DPP10: variants seen among roughly 807,000 people sequenced by gnomAD.
DPP10 encodes the protein inactive dipeptidyl peptidase 10.
Under a neutral mutation model 120.9 loss-of-function variants are expected in DPP10, and 33 were observed. The observed-to-expected ratio is 0.27, with a 90% CI of 0.21 to 0.37. The LOEUF (loss-of-function observed/expected upper bound fraction) is 0.37, where lower values mean the gene tolerates loss of function less well. DPP10 is among the 10% of genes least tolerant of loss of function. The pLI, the probability that DPP10 is intolerant of heterozygous loss-of-function variation, is 1.00. For synonymous variants in DPP10, 337 were observed against 326.1 expected (o/e 1.03, Z -0.36); for missense variants, 816 against 942.8 (o/e 0.87, Z 1.76).
chr2:115,225,030 G>C (rs1025914140), intron 1 of DPP10, among the ~76,000 whole-genome samples: 1 of 152,090 alleles, frequency 6.6e-6, no homozygotes, highest in African/African-American at 2.4e-5. Flanking sequence ...CTCATCTTTT[G>C]GGTAGGAGAT....
At chr2:115,185,859 A>G (rs1006644320) in intron 1 of DPP10, among the ~76,000 whole-genome samples, 1 of 152,342 alleles carries the variant, frequency 6.6e-6, no homozygotes, top group African/African-American at 2.4e-5. Flanking sequence ...ACCTATTAGT[A>G]AAGGTTGTAA....
At chr2:115,810,110 CG>C (rs1686464307) in intron 19 of DPP10, among the ~76,000 whole-genome samples, 1 of 150,896 alleles carries the variant, frequency 6.6e-6, no homozygotes, top group East Asian at 2.0e-4. Context: ...GGCAGTGAGC[CG>C]AGATCGCACC....
chr2:115,720,231 T>A (rs1423722464), intron 7 of DPP10, among the ~76,000 whole-genome samples: 2 of 152,200 alleles, frequency 1.3e-5, no homozygotes, highest in Admixed American at 1.3e-4. Context: ...GCCATTCTAA[T>A]TATAATACCA....
rs145578051 is a variant in DPP10 at position 114,481,959 on chromosome 2, G to GGA, written c.60+39135_60+39136dup. Among the ~76,000 whole-genome samples the GGA allele has an allele frequency of 5.8e-4, 86 of 149,262 alleles. No individual in the cohort carries two copies. In the East Asian group the frequency reaches 0.011, roughly 19 times the overall value. ...AGAAGAAGGAGAAGAGAGGAGGAGA[G>GGA]GAGAGAGAGAGAGAGGAGAGAAAGA... On this transcript the variant is annotated intron_variant, in intron 1 of 25. Transcript: ENST00000410059.
At chr2:115,712,974 T>C (rs1271803544) in intron 7 of DPP10, among the ~76,000 whole-genome samples, 2 of 152,070 alleles carry the variant, frequency 1.3e-5, no homozygotes, top group African/African-American at 4.8e-5. Context: ...AACACCACTC[T>C]AGACCATGAA....
At chr2:114,994,369 A>G (rs1700945318) in intron 1 of DPP10, among the ~76,000 whole-genome samples, 2 of 152,174 alleles carry the variant, frequency 1.3e-5, no homozygotes, top group Non-Finnish European at 2.9e-5. Context: ...AGATAGATAA[A>G]TTTTATTTAA....
At chr2:114,803,817 G>A (rs1399698524) in intron 1 of DPP10, among the ~76,000 whole-genome samples, 1 of 152,168 alleles carries the variant, frequency 6.6e-6, no homozygotes, top group Non-Finnish European at 1.5e-5. Context: ...CTGATTATGT[G>A]GATAGAAAAG....
intron 1 of DPP10, among the ~76,000 whole-genome samples, chr2:115,001,291 A>G (rs891986646): frequency 2.6e-5 from 4 of 152,206 alleles, no homozygotes; most frequent in African/African-American, 9.6e-5. Flanking sequence ...AAAGAGAATA[A>G]ACAAAATCAG....
intron 1 of DPP10, among the ~76,000 whole-genome samples, chr2:115,224,960 C>G (rs2105444050): frequency 6.6e-6 from 1 of 152,218 alleles, no homozygotes; most frequent in East Asian, 1.9e-4. Flanking sequence ...AAACCCATGT[C>G]ACACAGTACT....
At chr2:115,524,067 G>T (rs1378666139) in intron 4 of DPP10, among the ~76,000 whole-genome samples, 1 of 152,032 alleles carries the variant, frequency 6.6e-6, no homozygotes, top group Non-Finnish European at 1.5e-5. Flanking sequence ...TGCATATCTG[G>T]CTCAGGAATT....
chr2:114,594,315 C>A (rs1691710174), intron 1 of DPP10, among the ~76,000 whole-genome samples: 1 of 151,344 alleles, frequency 6.6e-6, no homozygotes, highest in South Asian at 2.1e-4. Flanking sequence ...TTGCAGACAG[C>A]CTATTGTGGG....
chr2:115,245,561 A>C (rs2058496967), intron 1 of DPP10, among the ~76,000 whole-genome samples: 1 of 152,166 alleles, frequency 6.6e-6, no homozygotes, highest in South Asian at 2.1e-4. Context: ...ACTGTGGAAA[A>C]CAGTATGGAG....
chr2:115,843,749 A>G lies in DPP10; in HGVS notation c.*1404A>G, dbSNP rs2150145621. The G allele has an allele frequency of 1.3e-5, 2 of 152,368 alleles. No homozygotes were observed. Among genetic ancestry groups the G allele is most frequent in the South Asian group, 4.1e-4 (2 of 4,826 alleles). 9.4% of individuals were successfully genotyped at this position (152,368 alleles called of 1,614,324 possible). A position where few individuals can be genotyped will look rare whatever the true frequency, so the allele number is the denominator to read the frequency against. ...TAACTTTGGTGACTAAAGTCAGAAT[A>G]TCTTCTCACTTCACTTAAGGGATCT... On this transcript the variant is annotated 3_prime_UTR_variant, in exon 26 of 26. Coordinates refer to ENST00000410059, the MANE Select transcript of DPP10 (RefSeq NM_020868.6).
intron 5 of DPP10, among the ~76,000 whole-genome samples, chr2:115,564,736 A>G (rs931213764): frequency 2.6e-5 from 4 of 152,222 alleles, no homozygotes; most frequent in African/African-American, 7.2e-5. Flanking sequence ...TAAAATGTCA[A>G]TTTGAAGCAG....
chr2:114,915,140 AAT>A (rs1192699740), intron 1 of DPP10, among the ~76,000 whole-genome samples: 3 of 152,164 alleles, frequency 2.0e-5, no homozygotes, highest in African/African-American at 4.8e-5. Context: ...CAAAAAAAAA[AAT>A]AAAAAATAAA....
chr2:115,497,666 A>T (rs1397232528), intron 3 of DPP10, among the ~76,000 whole-genome samples: 1 of 96,240 alleles, frequency 1.0e-5, no homozygotes, highest in Non-Finnish European at 2.3e-5. Context: ...AGAATATTTT[A>T]AAAAATTCAT....
At chr2:114,989,116 G>A (rs748600793) in intron 1 of DPP10, among the ~76,000 whole-genome samples, 16 of 152,132 alleles carry the variant, frequency 1.1e-4, no homozygotes, top group Non-Finnish European at 1.9e-4. Flanking sequence ...ATTCTAACTG[G>A]AAGGACTGAG....
chr2:114,680,571 G>T (rs1698963313), intron 1 of DPP10, among the ~76,000 whole-genome samples: 1 of 151,888 alleles, frequency 6.6e-6, no homozygotes, highest in Non-Finnish European at 1.5e-5. Flanking sequence ...GTTTTCAATT[G>T]AATAAAAACG....
rs541991617 is a variant in DPP10 at position 115,147,966 on chromosome 2, G to A, written c.61-161273G>A. ...GTCAAGACTTGGCAATTTGAGGAGA[G>A]ATGGTGTCAAGGTAGGTGCTGTATA... On this transcript the variant is annotated intron_variant, in intron 1 of 25. Transcript: ENST00000410059. Among the ~76,000 whole-genome samples the A allele has an allele frequency of 1.4e-4, 21 of 152,266 alleles. No individual in the cohort carries two copies. In the South Asian group the frequency reaches 3.9e-3, roughly 29 times the overall value.
Sources: allele counts gnomAD v4.1 joint callset (sites outside exome capture counted in the v4.1 genomes callset), GRCh38; gene constraint gnomAD v4.1.1; transcripts MANE v1.5; gene names NCBI Gene and HGNC (gene_info 2026-07-23, HGNC 2026-07-21).